CSMD3: variants seen among roughly 807,000 people sequenced by gnomAD.
The protein encoded by CSMD3 is CUB and Sushi multiple domains 3, also known as CUB and sushi domain-containing protein 3.
A neutral mutation model predicts 435.2 loss-of-function variants in CSMD3; 177 were observed. The ratio of observed to expected loss-of-function variants is 0.41; its 90% CI spans 0.36 to 0.46. The LOEUF (loss-of-function observed/expected upper bound fraction) is 0.46. Among genes scored for constraint, CSMD3 ranks in the 20% least tolerant of loss-of-function variants. The pLI, the probability that CSMD3 is intolerant of heterozygous loss-of-function variation, is 0.34. For synonymous variants in CSMD3, 1,656 were observed against 1,520.5 expected (o/e 1.09, Z -2.07); for missense variants, 4,265 against 4,504.6 (o/e 0.95, Z 1.52).
intron 30 of CSMD3, among the ~76,000 whole-genome samples, chr8:112,493,086 AG>A (rs1206407642): frequency 6.6e-6 from 1 of 152,154 alleles, no homozygotes; most frequent in Non-Finnish European, 1.5e-5. Flanking sequence ...GAAAAGCAGC[AG>A]CATCATTTCT....
At chr8:112,247,152 G>GA (rs747511770) in intron 63 of CSMD3, 21 bp from the exon 64 acceptor site, 2 of 1,491,398 alleles carry the variant, frequency 1.3e-6, no homozygotes, top group Non-Finnish European at 1.9e-6. Flanking sequence ...TTAAAGAGAG[G>GA]AAAAAAATAT....
intron 13 of CSMD3, among the ~76,000 whole-genome samples, chr8:112,745,220 T>C (rs1053929226): frequency 3.3e-5 from 5 of 152,082 alleles, no homozygotes; most frequent in Admixed American, 1.3e-4. Context: ...CAGGTAGTTA[T>C]AGTAAGTTGT....
chr8:112,314,118 A>G, intron 48 of CSMD3, 66 bp from the exon 49 acceptor site: 1 of 1,229,534 alleles, frequency 8.1e-7, no homozygotes, highest in African/African-American at 1.5e-5. Context: ...TTAGTATTTT[A>G]TATCTTTAGA....
chr8:112,589,350 C>CACCA (rs1830984584), intron 22 of CSMD3, among the ~76,000 whole-genome samples: 2 of 152,230 alleles, frequency 1.3e-5, no homozygotes, highest in Middle Eastern at 6.8e-3. Context: ...CGCATATGAA[C>CACCA]ACCACCTCTG....
At position 112,383,604 on chromosome 8, in the gene CSMD3, C is replaced by T. The variant is rs1481587102; in HGVS notation, c.5994G>A (p.Gly1998=). Residue 1998 remains glycine (G), a synonymous_variant, in exon 37 of 71, where the codon GGG becomes GGA. Transcript: ENST00000297405. The part of the protein sequence containing the change: ...HNWDSLDFYD[G]GDNNAPRLGS... ...CAAGTCTTGGAGCATTGTTGTCTCC[C>T]CCATCATAAAAGTCCAGAGAATCCC... is the stretch of plus-strand genomic sequence containing the variant. The T allele has an allele frequency of 1.9e-6, 3 of 1,607,196 alleles. No homozygotes were observed. Among genetic ancestry groups the T allele is most frequent in the Non-Finnish European group, 2.6e-6 (3 of 1,173,966 alleles).
intron 3 of CSMD3, among the ~76,000 whole-genome samples, chr8:113,243,176 G>GA (rs1213159974): frequency 1.3e-5 from 2 of 151,602 alleles, no homozygotes. Context: ...AAAACTGAAA[G>GA]AAAAAAACTG....
chr8:113,302,680 T>C (rs1198360549), intron 2 of CSMD3, among the ~76,000 whole-genome samples: 2 of 151,750 alleles, frequency 1.3e-5, no homozygotes, highest in East Asian at 1.9e-4. Flanking sequence ...TCTCAATAGA[T>C]GCAGAAAAAG....
intron 13 of CSMD3, among the ~76,000 whole-genome samples, chr8:112,755,378 G>A (rs1204292674): frequency 3.3e-5 from 4 of 122,702 alleles, no homozygotes; most frequent in African/African-American, 1.2e-4. Context: ...AATAATGAGG[G>A]CGATTACCTC....
At chr8:113,095,493 C>T (rs1050550444) in intron 5 of CSMD3, among the ~76,000 whole-genome samples, 1 of 152,148 alleles carries the variant, frequency 6.6e-6, no homozygotes, top group African/African-American at 2.4e-5. Context: ...TATGTTATTA[C>T]ATCCAGTGAT....
chr8:113,042,457 A>G (rs1323648072), intron 5 of CSMD3, among the ~76,000 whole-genome samples: 2 of 151,622 alleles, frequency 1.3e-5, no homozygotes, highest in Non-Finnish European at 2.9e-5. Flanking sequence ...TTTTAGGAAA[A>G]CTCTTTATTT....
intron 59 of CSMD3, among the ~76,000 whole-genome samples, chr8:112,266,406 A>G (rs1586591909): frequency 6.6e-6 from 1 of 152,226 alleles, no homozygotes; most frequent in African/African-American, 2.4e-5. Context: ...ACCCATCCCA[A>G]GGACACAAGA....
rs7838383 is a variant in CSMD3 at position 112,772,636 on chromosome 8, G to T, written c.1972+27526C>A. Among the ~76,000 whole-genome samples, 541 of 152,072 alleles carry T rather than the reference G, an allele frequency of 3.6e-3. 4 individuals carry two copies. The highest frequency in any genetic ancestry group is 0.011 in the African/African-American group (473 of 41,504). On this transcript the variant is annotated intron_variant, in intron 13 of 70. Coordinates refer to ENST00000297405, the MANE Select transcript of CSMD3 (RefSeq NM_198123.2). The stretch of plus-strand genomic sequence containing the variant: ...GAGGATTAGTAAAAGAGGAAGGAAC[G>T]CCTCTTTGTAGTGGAGATAAGAGGA...
intron 42 of CSMD3, among the ~76,000 whole-genome samples, chr8:112,339,920 T>C (rs1402904214): frequency 6.6e-6 from 1 of 152,310 alleles, no homozygotes; most frequent in South Asian, 2.1e-4. Flanking sequence ...ATGGCTCCTG[T>C]TAATAATACG....
chr8:113,254,702 G>A (rs1336518427), intron 3 of CSMD3, among the ~76,000 whole-genome samples: 4 of 152,100 alleles, frequency 2.6e-5, no homozygotes, highest in African/African-American at 7.2e-5. Flanking sequence ...AGTTGTATAT[G>A]CCTAAAATGG....
chr8:112,656,653 T>C (rs1348939844), intron 17 of CSMD3, among the ~76,000 whole-genome samples: 2 of 152,166 alleles, frequency 1.3e-5, no homozygotes, highest in Non-Finnish European at 2.9e-5. Context: ...TTATCTTTGG[T>C]TGTCTTCCTT....
At chr8:113,334,297 A>ATTTTTTTTTTTTTTTTTTTTTTTTT (rs2094052880) in intron 1 of CSMD3, among the ~76,000 whole-genome samples, 1 of 126,280 alleles carries the variant, frequency 7.9e-6, no homozygotes. Context: ...TTTTTTTTTC[A>ATTTTTTTTTTTTTTTTTTTTTTTTT]TTTCCAGCCT....
intron 1 of CSMD3, among the ~76,000 whole-genome samples, chr8:113,337,231 C>CT (rs1371653584): frequency 2.0e-5 from 3 of 151,986 alleles, no homozygotes; most frequent in Non-Finnish European, 4.4e-5. Context: ...GTCAATCTGC[C>CT]TTTTTTCCCC....
chr8:112,694,923 C>A (rs538377795), intron 13 of CSMD3, among the ~76,000 whole-genome samples: 1 of 152,076 alleles, frequency 6.6e-6, no homozygotes, highest in Non-Finnish European at 1.5e-5. Flanking sequence ...AACTGAGGTA[C>A]CAGGTTCATC....
chr8:112,469,886 G>T (rs936350511), intron 32 of CSMD3, among the ~76,000 whole-genome samples: 5 of 151,862 alleles, frequency 3.3e-5, no homozygotes, highest in Non-Finnish European at 7.4e-5. Flanking sequence ...ATAAATGACA[G>T]AAAAAGAAAA....
Sources: gnomAD v4.1 joint callset for allele counts (sites outside exome capture counted in the v4.1 genomes callset) on GRCh38, gnomAD v4.1.1 for gene constraint, MANE v1.5 for transcripts, NCBI Gene and HGNC (gene_info 2026-07-23, HGNC 2026-07-21) for gene names.